UNC13C: variants seen among roughly 807,000 people sequenced by gnomAD.
UNC13C encodes the protein unc-13 homolog C.
Under a neutral mutation model 245.4 loss-of-function variants are expected in UNC13C, and 174 were observed. The ratio of observed to expected loss-of-function variants is 0.71; its 90% CI spans 0.63 to 0.80. The LOEUF (loss-of-function observed/expected upper bound fraction) is 0.80, where lower values mean the gene tolerates loss of function less well. Ranked by LOEUF, UNC13C falls within the 30% of genes least tolerant of loss-of-function variation. UNC13C has a pLI of 0.00. For synonymous variants in UNC13C, 992 were observed against 895.1 expected (o/e 1.11, Z -1.93); for missense variants, 2,829 against 2,602.9 (o/e 1.09, Z -1.89).
intron 29 of UNC13C, among the ~76,000 whole-genome samples, chr15:54,565,692 C>T (rs533050845): frequency 1.2e-3 from 175 of 151,998 alleles, no homozygotes; most frequent in Admixed American, 2.8e-3. Context: ...CAGATTTATC[C>T]GCAAAGCAAT....
At chr15:54,521,796 C>T (rs904309772) in intron 24 of UNC13C, among the ~76,000 whole-genome samples, 1 of 152,150 alleles carries the variant, frequency 6.6e-6, no homozygotes, top group African/African-American at 2.4e-5. Flanking sequence ...ATAGTTAATG[C>T]AAGGTATCAG....
intron 30 of UNC13C, among the ~76,000 whole-genome samples, chr15:54,586,510 A>G (rs1264864631): frequency 6.6e-6 from 1 of 152,216 alleles, no homozygotes; most frequent in Non-Finnish European, 1.5e-5. Flanking sequence ...CACCAGTTCT[A>G]TCATATTGGA....
intron 30 of UNC13C, among the ~76,000 whole-genome samples, chr15:54,608,117 G>A (rs943232505): frequency 4.6e-5 from 7 of 151,878 alleles, no homozygotes; most frequent in Non-Finnish European, 7.4e-5. Context: ...TCATGTCTAT[G>A]TATTCCAGGT....
intron 5 of UNC13C, 130 bp downstream of exon 5, chr15:54,235,238 C>A: frequency 1.6e-6 from 1 of 633,272 alleles, no homozygotes; most frequent in Non-Finnish European, 2.7e-6. Flanking sequence ...AGGCCAGATG[C>A]TACCTGCTGT....
chr15:54,449,906 A>G (rs1303950666), intron 19 of UNC13C, among the ~76,000 whole-genome samples: 1 of 151,976 alleles, frequency 6.6e-6, no homozygotes, highest in Non-Finnish European at 1.5e-5. Context: ...TTGTGGTTTT[A>G]TCTACTTTTG....
chr15:54,059,258 C>T (rs947914397), intron 2 of UNC13C, among the ~76,000 whole-genome samples: 2 of 152,202 alleles, frequency 1.3e-5, no homozygotes, highest in African/African-American at 4.8e-5. Flanking sequence ...TAAGCAGCTT[C>T]AGCAAAGCCT....
intron 4 of UNC13C, among the ~76,000 whole-genome samples, chr15:54,201,611 G>T (rs990303289): frequency 2.0e-5 from 3 of 151,766 alleles, no homozygotes; most frequent in African/African-American, 7.3e-5. Context: ...ATGAAATCTA[G>T]GATCATTTTA....
chr15:54,335,428 A>G (rs976310152), intron 16 of UNC13C, among the ~76,000 whole-genome samples: 18 of 152,260 alleles, frequency 1.2e-4, no homozygotes, highest in Non-Finnish European at 1.9e-4. Flanking sequence ...GCAGAGAGTA[A>G]AAATCACTCT....
intron 30 of UNC13C, among the ~76,000 whole-genome samples, chr15:54,581,112 TAA>T (rs1898180378): frequency 6.6e-6 from 1 of 152,152 alleles, no homozygotes; most frequent in African/African-American, 2.4e-5. Flanking sequence ...AATCTAAAGA[TAA>T]AGAGTAGAGG....
intron 8 of UNC13C, among the ~76,000 whole-genome samples, chr15:54,261,631 C>T (rs1344191954): frequency 2.0e-5 from 3 of 152,212 alleles, no homozygotes; most frequent in African/African-American, 4.8e-5. Context: ...CAAGCTCCGC[C>T]TCCCAGATTC....
the UNC13C span, among the ~76,000 whole-genome samples, chr15:53,879,558 CTTG>C: frequency 6.6e-6 from 1 of 152,076 alleles, no homozygotes; most frequent in Non-Finnish European, 1.5e-5. Context: ...TTTAAGTATA[CTTG>C]TTATTTTTTT....
intron 2 of UNC13C, among the ~76,000 whole-genome samples, chr15:54,106,627 T>C (rs1900460798): frequency 6.6e-6 from 1 of 152,226 alleles, no homozygotes; most frequent in Non-Finnish European, 1.5e-5. Flanking sequence ...CATTTTCTGT[T>C]CCATGTGCCA....
the UNC13C span, among the ~76,000 whole-genome samples, chr15:53,894,400 T>C: frequency 2.6e-5 from 4 of 152,222 alleles, no homozygotes; most frequent in Non-Finnish European, 4.4e-5. Flanking sequence ...ACACCGTAGG[T>C]TGGCTCAACA....
At chr15:54,299,750 C>G (rs2037527931) in intron 12 of UNC13C, among the ~76,000 whole-genome samples, 1 of 152,168 alleles carries the variant, frequency 6.6e-6, no homozygotes, top group East Asian at 1.9e-4. Context: ...ACACCTCTAA[C>G]TAACCTCTCA....
chr15:54,246,413 G>GTTGT (rs35170410), intron 7 of UNC13C, among the ~76,000 whole-genome samples: 5 of 144,910 alleles, frequency 3.5e-5, no homozygotes, highest in Admixed American at 2.1e-4. Flanking sequence ...TGAAAATAAT[G>GTTGT]TTTTTTTTTT....
At chr15:54,522,614 A>C (rs567533561) in intron 24 of UNC13C, among the ~76,000 whole-genome samples, 2 of 152,200 alleles carry the variant, frequency 1.3e-5, no homozygotes, top group African/African-American at 4.8e-5. Context: ...GTTAATACCT[A>C]TGTGGGATTA....
At chr15:53,935,969 C>G in the UNC13C span, among the ~76,000 whole-genome samples, 1 of 152,182 alleles carries the variant, frequency 6.6e-6, no homozygotes, top group African/African-American at 2.4e-5. Flanking sequence ...TCTGGCAAAG[C>G]AGGAGATCTG....
chr15:54,349,622 A>T (rs999208567), intron 17 of UNC13C, among the ~76,000 whole-genome samples: 1 of 152,222 alleles, frequency 6.6e-6, no homozygotes, highest in Non-Finnish European at 1.5e-5. Flanking sequence ...AACAATACCA[A>T]AAAAAGATCA....
the UNC13C span, among the ~76,000 whole-genome samples, chr15:53,875,295 G>GA: frequency 6.6e-6 from 1 of 152,182 alleles, no homozygotes; most frequent in Non-Finnish European, 1.5e-5. Flanking sequence ...CCATCCTGGG[G>GA]TGCAGTGTAG....
Sources: gnomAD v4.1 joint callset for allele counts (sites outside exome capture counted in the v4.1 genomes callset) on GRCh38, gnomAD v4.1.1 for gene constraint, MANE v1.5 for transcripts, NCBI Gene and HGNC (gene_info 2026-07-23, HGNC 2026-07-21) for gene names.